Variants in TAF5L observed in about 807,000 individuals in gnomAD.
The protein encoded by TAF5L is TAF5-like RNA polymerase II p300/CBP-associated factor-associated factor 65 kDa subunit 5L.
A neutral mutation model predicts 51.3 loss-of-function variants in TAF5L; 7 were observed. The observed-to-expected ratio is 0.14, with a 90% CI of 0.08 to 0.26. TAF5L has a LOEUF of 0.26. Among genes scored for constraint, TAF5L ranks in the 10% least tolerant of loss-of-function variants. The pLI is 1.00. For synonymous variants in TAF5L, 291 were observed against 308.1 expected (o/e 0.94, Z 0.58); for missense variants, 575 against 758.9 (o/e 0.76, Z 2.85).
intron 1 of TAF5L, among the ~76,000 whole-genome samples, chr1:229,621,118 G>C (rs1338084062): frequency 1.3e-5 from 2 of 152,180 alleles, no homozygotes; most frequent in South Asian, 2.1e-4. Flanking sequence ...GGGCAATTGG[G>C]CAATGAAAAT....
At chr1:229,601,213 G>C (rs1219830897) in intron 4 of TAF5L, 8 of 985,036 alleles carry the variant, frequency 8.1e-6, no homozygotes, top group Non-Finnish European at 9.6e-6. Context: ...AACAGGAACA[G>C]GAAAACAATG....
In TAF5L at chr1:229,602,642, A is replaced by G; in HGVS notation, c.525T>C (p.Leu175=). 6.2e-7 allele frequency: 1 copy of G among 1,614,158 alleles called. No homozygotes were observed. Among genetic ancestry groups the G allele is most frequent in the East Asian group, 2.2e-5 (1 of 44,890 alleles). Residue 175 remains leucine, a synonymous_variant, in exon 4 of 5, where the codon CTT becomes CTC. Coordinates refer to ENST00000258281, the Ensembl canonical transcript of TAF5L. The surrounding 1 kb of genome is among the most constrained non-coding windows in gnomAD (Gnocchi z 4.6). ...TGTTGTCACTTTGGAGGTAGCGGAT[A>G]AGGTAGTTGTAGCTGTCTTCTTGGA...
intron 3 of TAF5L, among the ~76,000 whole-genome samples, chr1:229,605,765 C>T (rs1664572025): frequency 6.6e-6 from 1 of 152,208 alleles, no homozygotes; most frequent in East Asian, 1.9e-4. Context: ...AGAAGGAATT[C>T]TGCCAGCAGA....
At chr1:229,596,729 C>G (rs1664141707) in intron 4 of TAF5L, among the ~76,000 whole-genome samples, 2 of 152,192 alleles carry the variant, frequency 1.3e-5, no homozygotes, top group African/African-American at 4.8e-5. Flanking sequence ...AAAACTACAG[C>G]TGTCTCTTCT....
rs112157156 is a variant in TAF5L, at chr1:229,607,369, A to G, written c.247+2737T>C. ...TGCCATTCCTCTTACAAATAATTTT[A>G]CAAACTGCTTTCAGACTAATATTCA... On this transcript the variant is annotated intron_variant, in intron 3 of 4. Coordinates refer to ENST00000258281, the Ensembl canonical transcript of TAF5L. The G allele has an allele frequency of 3.1e-3, 3,023 of 985,446 alleles. 76 individuals carry two copies. In the African/African-American group the frequency reaches 0.047, roughly 15 times the overall value. 61.0% of individuals were successfully genotyped at this position (985,446 alleles called of 1,614,324 possible).
intron 4 of TAF5L, chr1:229,599,896 G>C: frequency 1.0e-6 from 1 of 985,478 alleles, no homozygotes; most frequent in Non-Finnish European, 1.2e-6. Context: ...GATGAAAGCA[G>C]AGAGTGCAAG....
chr1:229,620,240 CT>C (rs1357646802), intron 1 of TAF5L, among the ~76,000 whole-genome samples: 2 of 152,124 alleles, frequency 1.3e-5, no homozygotes, highest in Non-Finnish European at 2.9e-5. Context: ...TTCTCGCTCT[CT>C]TTAGAGAAGT....
intron 1 of TAF5L, among the ~76,000 whole-genome samples, chr1:229,615,341 C>G (rs531477335): frequency 6.6e-6 from 1 of 152,284 alleles, no homozygotes; most frequent in East Asian, 1.9e-4. Flanking sequence ...CCCGGCTTGG[C>G]CTCTCAAAGT....
intron 1 of TAF5L, among the ~76,000 whole-genome samples, chr1:229,619,490 A>G (rs931854181): frequency 4.6e-5 from 7 of 152,218 alleles, no homozygotes; most frequent in Non-Finnish European, 7.3e-5. Context: ...AGTGGTAGAA[A>G]GTAGGTGGAA....
rs768500017 is a variant in TAF5L at position 229,602,691 on chromosome 1, A to C, written c.476T>G (p.Leu159Arg). Residue 159 changes from leucine to arginine, a missense_variant, in exon 4 of 5, where the codon CTA (leucine) becomes CGA (arginine). Leu to Arg is a moderately radical substitution (Grantham distance 102, BLOSUM62 -2). Around this residue, in one of 3 missense-constraint regions of TAF5L, gnomAD observed 380 missense variants for 443.7 expected, o/e 0.86. Transcript: ENST00000258281. This position sits in a 1 kb window ranked among gnomAD's most constrained non-coding sequence, Gnocchi z 4.6. ...GAGACGGACCACGTACTTGTTATCT[A>C]GGAATGCTCGAAGCTTGAAGTTAGA... 1 of 1,614,048 alleles carries C rather than the reference A, an allele frequency of 6.2e-7. No homozygotes were observed. The highest frequency in any genetic ancestry group is 8.5e-7 in the Non-Finnish European group (1 of 1,180,032).
At chr1:229,623,723 A>C (rs894136236) in intron 1 of TAF5L, among the ~76,000 whole-genome samples, 1 of 152,228 alleles carries the variant, frequency 6.6e-6, no homozygotes, top group Admixed American at 6.5e-5. Context: ...TGCTTTACAT[A>C]GACTGCCTTC....
chr1:229,626,101 A>G (rs1430210092), upstream of TAF5L: 2 of 150,982 alleles, frequency 1.3e-5, no homozygotes, highest in Non-Finnish European at 3.0e-5. Flanking sequence ...CGGGCCTCCA[A>G]CGCGCAACCG....
intron 4 of TAF5L, among the ~76,000 whole-genome samples, chr1:229,598,144 C>CA (rs1366179014): frequency 1.3e-5 from 2 of 152,218 alleles, no homozygotes; most frequent in Non-Finnish European, 2.9e-5. Context: ...CATGAATTGA[C>CA]ATGTGCTGTT....
intron 4 of TAF5L, among the ~76,000 whole-genome samples, chr1:229,597,343 G>A (rs966672744): frequency 3.3e-5 from 5 of 152,216 alleles, no homozygotes; most frequent in East Asian, 1.9e-4. Context: ...CATGGGCTAG[G>A]AGCATGGGCT....
chr1:229,594,429 T>G lies in TAF5L; in HGVS notation c.1638A>C (p.Ala546=), dbSNP rs1571824417. 1 of 1,614,106 alleles carries G rather than the reference T, an allele frequency of 6.2e-7. No individual in the cohort carries two copies. The highest frequency in any genetic ancestry group is 8.5e-7 in the Non-Finnish European group (1 of 1,180,032). ...GCTCGCTGGAGGAGCCGTCGGCAGGTGCACTGCAGTAAGTGTTCCTGATGT... is the reference window on the plus strand; with the variant it reads ...GCTCGCTGGAGGAGCCGTCGGCAGGGGCACTGCAGTAAGTGTTCCTGATGT... The change falls in exon 5 of 5, where the codon GCA becomes GCC. Residue 546 remains alanine (A), a synonymous_variant. Transcript: ENST00000258281. This position sits in a 1 kb window ranked among gnomAD's most constrained non-coding sequence, Gnocchi z 7.9.
chr1:229,619,636 T>C (rs1665132828), intron 1 of TAF5L, among the ~76,000 whole-genome samples: 1 of 152,182 alleles, frequency 6.6e-6, no homozygotes, highest in African/African-American at 2.4e-5. Context: ...TTCTAAACCT[T>C]CACCAGTCTC....
intron 4 of TAF5L, chr1:229,600,118 A>G (rs1255817511): frequency 2.0e-6 from 2 of 984,754 alleles, no homozygotes; most frequent in Middle Eastern, 5.2e-4. Context: ...ATAAGGGAAA[A>G]AGAAAAGTCC....
intron 3 of TAF5L, among the ~76,000 whole-genome samples, chr1:229,608,286 T>C (rs1337180841): frequency 6.6e-6 from 1 of 152,198 alleles, no homozygotes; most frequent in East Asian, 1.9e-4. Context: ...GGTTATCTTA[T>C]CAGTTTCATG....
In TAF5L at chr1:229,606,483, T is replaced by C. The variant is rs1038562084; in HGVS notation, c.248-3564A>G. ...GAGTTTTTCATGAGTTCATGGAAATTAGTAGTAAAAAGGATACTAAATTAA... is the reference window on the plus strand; with the variant it reads ...GAGTTTTTCATGAGTTCATGGAAATCAGTAGTAAAAAGGATACTAAATTAA... On this transcript the variant is annotated intron_variant, in intron 3 of 4. Coordinates refer to ENST00000258281, the Ensembl canonical transcript of TAF5L. The C allele has an allele frequency of 4.1e-6, 4 of 985,290 alleles. No homozygotes were observed. In the African/African-American group the frequency reaches 7.0e-5, roughly 17 times the overall value. 61.0% of individuals were successfully genotyped at this position (985,290 alleles called of 1,614,324 possible).
Sources: gnomAD v4.1 joint callset for allele counts (sites outside exome capture counted in the v4.1 genomes callset) on GRCh38, gnomAD v4.1.1 for gene constraint, gnomAD v4.1.1 regional missense constraint, Gnocchi (gnomAD v3.1) non-coding constraint, MANE v1.5 for transcripts, NCBI Gene and HGNC (gene_info 2026-07-23, HGNC 2026-07-21) for gene names.